The following MCM9 variants were observed in gnomAD, a reference collection of about 807,000 sequenced individuals.
The protein encoded by MCM9 is DNA helicase MCM9.
A neutral mutation model predicts 72.8 loss-of-function variants in MCM9; 55 were observed. That is an observed-to-expected ratio of 0.76 (90% CI 0.61 to 0.95). The LOEUF (loss-of-function observed/expected upper bound fraction) is 0.95. Among genes scored for constraint, MCM9 ranks in the 40% least tolerant of loss-of-function variants. MCM9 has a pLI of 0.00. For missense variants in MCM9, 1,279 were observed against 1,377.0 expected (o/e 0.93, Z 1.13); for synonymous variants, 480 against 503.4 (o/e 0.95, Z 0.62).
rs78231991 is a variant in MCM9 at position 118,913,414 on chromosome 6, T to C, written c.911A>G (p.Asn304Ser). Reference protein sequence around the residue: ...YYKSDPFAGRNVILASLCPQV... With the variant: ...YYKSDPFAGRSVILASLCPQV... ...AGGGCACAAGCTAGCCAATATTACA[T>C]TCCTTCCTAGGAAAAGCAGAAAGAT... is the stretch of plus-strand genomic sequence containing the variant. Residue 304 changes from asparagine to serine, a missense_variant, in exon 7 of 14, where the codon AAT becomes AGT. Physicochemically the swap from Asn to Ser is conservative, Grantham distance 46 (BLOSUM62 1). Transcript: ENST00000619706. 4.3e-3 allele frequency: 7,012 copies of C among 1,612,444 alleles called. 24 individuals are homozygous for C. Among genetic ancestry groups the C allele is most frequent in the Middle Eastern group, 0.012 (70 of 6,048 alleles).
chr6:118,904,060 T>C lies in MCM9; in HGVS notation c.1150+7590A>G, dbSNP rs181060902. On this transcript the variant is annotated intron_variant, in intron 8 of 13. Transcript: ENST00000619706. Reference sequence around the variant, plus strand: ...TCCCTTAGAAAAGGGAATACTCTTCTGAGGGTTTTAATAATCTGAGGTTTT... The same window carrying C: ...TCCCTTAGAAAAGGGAATACTCTTCCGAGGGTTTTAATAATCTGAGGTTTT... Among the ~76,000 whole-genome samples, 260 of 151,410 alleles carry C rather than the reference T, an allele frequency of 1.7e-3. 3 individuals carry two copies. Among genetic ancestry groups the C allele is most frequent in the Non-Finnish European group, 7.9e-4 (54 of 67,958 alleles).
intron 13 of MCM9, among the ~76,000 whole-genome samples, chr6:118,823,975 T>C (rs1773988873): frequency 6.7e-6 from 1 of 149,718 alleles, no homozygotes; most frequent in Admixed American, 6.7e-5. Flanking sequence ...AAAATTATTG[T>C]AAACATATTG....
chr6:118,923,155 C>T (rs932137214), intron 4 of MCM9, among the ~76,000 whole-genome samples: 10 of 151,804 alleles, frequency 6.6e-5, no homozygotes, highest in African/African-American at 1.7e-4. Flanking sequence ...AAGAATAAAC[C>T]TTTGTGTTTA....
intron 6 of MCM9, among the ~76,000 whole-genome samples, chr6:118,914,626 A>T (rs1780796580): frequency 6.6e-6 from 1 of 152,162 alleles, no homozygotes; most frequent in Non-Finnish European, 1.5e-5. Flanking sequence ...CAGGAATCCA[A>T]GCAGATAAGA....
intron 9 of MCM9, among the ~76,000 whole-genome samples, chr6:118,838,194 CCT>C (rs1476516584): frequency 6.7e-6 from 1 of 150,338 alleles, no homozygotes; most frequent in Non-Finnish European, 1.5e-5. Context: ...GGAGTCTCAC[CCT>C]GTCACCCAGG....
At chr6:118,881,443 T>C (rs1468980511) in intron 8 of MCM9, among the ~76,000 whole-genome samples, 3 of 152,208 alleles carry the variant, frequency 2.0e-5, no homozygotes, top group Admixed American at 6.5e-5. Flanking sequence ...TATCCTATGG[T>C]AAAATTCAGT....
At chr6:118,823,694 T>C (rs576406087) in intron 13 of MCM9, among the ~76,000 whole-genome samples, 3 of 152,264 alleles carry the variant, frequency 2.0e-5, no homozygotes, top group South Asian at 4.1e-4. Context: ...TAAAGTACAA[T>C]ATGATCCCTC....
In MCM9 at chr6:118,922,001, T is replaced by C. The variant is rs752460337; in HGVS notation, c.703+4A>G. ...AAGCTAAAAAAAAATTCCCCTCTTC[T>C]TACCAGATTTGCAACTATCCACTAA... On this transcript the variant is annotated splice_donor_region_variant and intron_variant, in intron 5 of 13. Coordinates refer to ENST00000619706, the MANE Select transcript of MCM9 (RefSeq NM_017696.3). The C allele has an allele frequency of 8.1e-6, 13 of 1,609,652 alleles. No individual in the cohort carries two copies. Among genetic ancestry groups the C allele is most frequent in the East Asian group, 2.2e-5 (1 of 44,740 alleles).
intron 8 of MCM9, among the ~76,000 whole-genome samples, chr6:118,867,496 G>A (rs1777290805): frequency 6.6e-6 from 1 of 152,092 alleles, no homozygotes; most frequent in African/African-American, 2.4e-5. Context: ...AGTCCTGGAA[G>A]CTTCATTCAC....
Position 118,905,828 on chromosome 6 carries a change from G to T in MCM9, c.1150+5822C>A. 6.3e-7 allele frequency: 1 copy of T among 1,584,838 alleles called. No homozygotes were observed. The highest frequency in any genetic ancestry group is 8.6e-7 in the Non-Finnish European group (1 of 1,162,784). On this transcript the variant is annotated intron_variant, in intron 8 of 13. Coordinates refer to ENST00000619706, the MANE Select transcript of MCM9 (RefSeq NM_017696.3). ...CACCAGTAAAACCAGACTTTTCTAA[G>T]GTAATGTTCTTACTATTCCTTTTTA...
intron 8 of MCM9, chr6:118,911,118 G>A (rs1243556397): frequency 5.1e-6 from 5 of 985,306 alleles, no homozygotes; most frequent in Non-Finnish European, 6.0e-6. Context: ...TACCTGCAAA[G>A]GCTTTTAAGT....
chr6:118,815,644 G>A lies in MCM9; in HGVS notation c.2612C>T (p.Thr871Ile), dbSNP rs1439407016. The change falls in exon 14 of 14, where the codon ACA becomes ATA. Residue 871 changes from threonine to isoleucine, a missense_variant. Physicochemically the swap from Thr to Ile is moderately conservative, Grantham distance 89 (BLOSUM62 -1). Transcript: ENST00000619706. ...RNSTRVPAQCTVPSHPQSTPV... is the reference protein window; with the variant it reads ...RNSTRVPAQCIVPSHPQSTPV... ...AGTGGACTGAGGATGGGAAGGGACT[G>A]TGCACTGTGCAGGCACCCTGGTGCT... 1 of 1,550,354 alleles carries A rather than the reference G, an allele frequency of 6.5e-7. No homozygotes were observed. Among genetic ancestry groups the A allele is most frequent in the South Asian group, 1.2e-5 (1 of 84,050 alleles).
At chr6:118,930,899 C>T (rs913534648) in intron 3 of MCM9, among the ~76,000 whole-genome samples, 3 of 152,200 alleles carry the variant, frequency 2.0e-5, no homozygotes, top group African/African-American at 2.4e-5. Context: ...TACAGCTTTG[C>T]CACCCCAAGC....
intron 5 of MCM9, chr6:118,921,187 A>G (rs1781396781): frequency 6.6e-6 from 1 of 152,200 alleles, no homozygotes; most frequent in South Asian, 2.1e-4. Flanking sequence ...AATGTACTGT[A>G]TATGCTGTGC....
chr6:118,873,247 G>C (rs1177573196), intron 8 of MCM9, among the ~76,000 whole-genome samples: 1 of 140,368 alleles, frequency 7.1e-6, no homozygotes, highest in East Asian at 2.1e-4. Context: ...GAAAGGGAAG[G>C]GGAAAGGGAA....
rs1377473586 is a variant in MCM9 at position 118,844,570 on chromosome 6, CT to C, written c.1325+11800del. ...CAAAAAAAAAAAATTAAAAGGACAA[CT>C]TAAATGGAAGAAAACAGATCACGTA... On this transcript the variant is annotated intron_variant, in intron 9 of 13. Transcript: ENST00000619706. Among the ~76,000 whole-genome samples, 3 of 151,586 alleles carry C rather than the reference CT, an allele frequency of 2.0e-5. No individual in the cohort carries two copies. In the East Asian group the frequency reaches 5.8e-4, roughly 29 times the overall value.
At chr6:118,879,772 A>C (rs1778168008) in intron 8 of MCM9, among the ~76,000 whole-genome samples, 1 of 151,000 alleles carries the variant, frequency 6.6e-6, no homozygotes, top group Admixed American at 6.6e-5. Flanking sequence ...GGCGGGGTGC[A>C]GTGGCTAATG....
chr6:118,847,750 C>G (rs540454279), intron 9 of MCM9, among the ~76,000 whole-genome samples: 7 of 151,680 alleles, frequency 4.6e-5, no homozygotes, highest in African/African-American at 1.7e-4. Flanking sequence ...AAAAACTGAC[C>G]AGGAATAATC....
chr6:118,830,454 C>G (rs568936122), intron 9 of MCM9, among the ~76,000 whole-genome samples: 1 of 152,260 alleles, frequency 6.6e-6, no homozygotes, highest in East Asian at 1.9e-4. Context: ...ACTAAATTCC[C>G]TTTTAAAAAA....
Sources: allele counts gnomAD v4.1 joint callset (sites outside exome capture counted in the v4.1 genomes callset), GRCh38; gene constraint gnomAD v4.1.1; transcripts MANE v1.5; gene names NCBI Gene and HGNC (gene_info 2026-07-23, HGNC 2026-07-21).